The following SOX5 variants were observed in gnomAD, a reference collection of about 807,000 sequenced individuals.
The protein encoded by SOX5 is transcription factor SOX-5.
SOX5 carries 9 observed loss-of-function variants against 92.0 expected under a neutral mutation model. The observed-to-expected ratio is 0.10, with a 90% CI of 0.06 to 0.17. The LOEUF is 0.17. Among genes scored for constraint, SOX5 ranks in the 10% least tolerant of loss-of-function variants. The pLI, the probability that SOX5 is intolerant of heterozygous loss-of-function variation, is 1.00. For missense variants in SOX5, 642 were observed against 944.5 expected, an observed-to-expected ratio of 0.68 and a Z score of 4.20; for synonymous variants, 344 against 336.3, an observed-to-expected ratio of 1.02 and a Z score of -0.25.
At chr12:24,560,057 G>C (rs1263260471) in intron 1 of SOX5, among the ~76,000 whole-genome samples, 1 of 152,062 alleles carries the variant, frequency 6.6e-6, no homozygotes, top group Non-Finnish European at 1.5e-5. Context: ...GTCTGTGTCA[G>C]ATTGGATCAA....
At chr12:23,727,003 A>G (rs2093170506) in intron 6 of SOX5, among the ~76,000 whole-genome samples, 1 of 152,202 alleles carries the variant, frequency 6.6e-6, no homozygotes, top group South Asian at 2.1e-4. Context: ...ATCATACTGC[A>G]AAGATTGTAG....
At chr12:23,669,024 A>G (rs934404846) in intron 6 of SOX5, among the ~76,000 whole-genome samples, 3 of 138,718 alleles carry the variant, frequency 2.2e-5, no homozygotes, top group African/African-American at 8.1e-5. Context: ...AAGATTATTT[A>G]ATCGGAATTT....
intron 9 of SOX5, among the ~76,000 whole-genome samples, chr12:23,586,962 C>G (rs965004423): frequency 6.6e-6 from 1 of 150,558 alleles, no homozygotes; most frequent in Non-Finnish European, 1.5e-5. Flanking sequence ...AGAACTTCTC[C>G]CTACACCAAA....
chr12:24,451,674 G>T (rs550238736), intron 1 of SOX5, among the ~76,000 whole-genome samples: 1 of 152,114 alleles, frequency 6.6e-6, no homozygotes, highest in South Asian at 2.1e-4. Context: ...GAAGTCTGCA[G>T]GTCTGTAGAC....
chr12:23,934,610 T>C (rs534766942), intron 1 of SOX5, among the ~76,000 whole-genome samples: 5 of 151,096 alleles, frequency 3.3e-5, no homozygotes, highest in Admixed American at 6.6e-5. Flanking sequence ...CAATACATAA[T>C]GTTCAGCATA....
chr12:23,903,122 T>C (rs1199556394), intron 1 of SOX5, among the ~76,000 whole-genome samples: 2 of 152,172 alleles, frequency 1.3e-5, no homozygotes, highest in Non-Finnish European at 2.9e-5. Context: ...AGATACTATG[T>C]GCCCGTTAGA....
At chr12:23,992,098 T>C (rs1326368468) in intron 4 of SOX5, among the ~76,000 whole-genome samples, 2 of 152,104 alleles carry the variant, frequency 1.3e-5, no homozygotes, top group Admixed American at 6.6e-5. Context: ...TTGGGGCTTA[T>C]TAAAGAAAAG....
chr12:23,812,181 AC>A (rs2095887082), intron 3 of SOX5, among the ~76,000 whole-genome samples: 1 of 152,134 alleles, frequency 6.6e-6, no homozygotes. Context: ...GGTAGTTTCT[AC>A]AACTAAAGTC....
intron 1 of SOX5, among the ~76,000 whole-genome samples, chr12:23,914,859 C>T (rs925437385): frequency 3.3e-5 from 5 of 152,144 alleles, no homozygotes; most frequent in South Asian, 2.1e-4. Context: ...ATCTAATAGA[C>T]GTTTAATCCA....
chr12:23,798,507 T>C (rs1410185023), intron 3 of SOX5, among the ~76,000 whole-genome samples: 4 of 151,420 alleles, frequency 2.6e-5, no homozygotes, highest in African/African-American at 9.7e-5. Flanking sequence ...GTTACACATG[T>C]ATACTCATGC....
chr12:24,551,512 CCT>C (rs1198310954), intron 1 of SOX5, among the ~76,000 whole-genome samples: 9 of 152,122 alleles, frequency 5.9e-5, no homozygotes, highest in Non-Finnish European at 1.5e-5. Flanking sequence ...GCTTTTTTCC[CCT>C]GTCCATGTGG....
intron 1 of SOX5, among the ~76,000 whole-genome samples, chr12:23,921,993 T>A (rs577269431): frequency 1.5e-4 from 23 of 152,264 alleles, no homozygotes; most frequent in African/African-American, 5.3e-4. Context: ...AATTATTTCA[T>A]TAAGGGCAAA....
intron 1 of SOX5, among the ~76,000 whole-genome samples, chr12:23,929,668 A>G (rs1268746821): frequency 6.6e-6 from 1 of 151,974 alleles, no homozygotes; most frequent in Non-Finnish European, 1.5e-5. Flanking sequence ...ATTAAATAGC[A>G]TACATCAATA....
intron 3 of SOX5, among the ~76,000 whole-genome samples, chr12:23,781,479 A>C (rs1158946131): frequency 6.6e-6 from 1 of 152,112 alleles, no homozygotes; most frequent in Non-Finnish European, 1.5e-5. Context: ...AAAGGAAAAC[A>C]AAACAGTTTA....
intron 2 of SOX5, among the ~76,000 whole-genome samples, chr12:24,321,970 A>T (rs565059416): frequency 6.6e-6 from 1 of 151,998 alleles, no homozygotes; most frequent in Non-Finnish European, 1.5e-5. Context: ...CAGGACCTTT[A>T]TTTTCTCCTT....
chr12:23,667,543 C>T (rs2084015089), intron 6 of SOX5, among the ~76,000 whole-genome samples: 1 of 152,116 alleles, frequency 6.6e-6, no homozygotes, highest in African/African-American at 2.4e-5. Flanking sequence ...TAGAGATTAT[C>T]AGCAACAACA....
At chr12:24,168,648 C>A (rs189352757) in intron 4 of SOX5, among the ~76,000 whole-genome samples, 34 of 152,178 alleles carry the variant, frequency 2.2e-4, no homozygotes, top group Admixed American at 8.5e-4. Context: ...TCACAGCAGG[C>A]CACTTTAATG....
intron 2 of SOX5, among the ~76,000 whole-genome samples, chr12:23,890,706 C>A (rs2097122189): frequency 6.6e-6 from 1 of 151,678 alleles, no homozygotes; most frequent in South Asian, 2.1e-4. Flanking sequence ...TTTCCATCAT[C>A]AAATAAATCC....
intron 2 of SOX5, among the ~76,000 whole-genome samples, chr12:24,356,461 CTCTT>C (rs749467573): frequency 3.9e-5 from 6 of 152,036 alleles, no homozygotes; most frequent in Non-Finnish European, 8.8e-5. Flanking sequence ...CTCTCTTTCT[CTCTT>C]GGTGGCCATT....
Sources: allele counts gnomAD v4.1 joint callset (sites outside exome capture counted in the v4.1 genomes callset), GRCh38; gene constraint gnomAD v4.1.1; transcripts MANE v1.5; gene names NCBI Gene and HGNC (gene_info 2026-07-23, HGNC 2026-07-21).